The following LONRF2 variants were observed in gnomAD, a reference collection of about 807,000 sequenced individuals.
LONRF2 encodes LON peptidase N-terminal domain and ring finger 2.
A neutral mutation model predicts 66.6 loss-of-function variants in LONRF2; 35 were observed. The observed-to-expected ratio is 0.53, with a 90% CI of 0.40 to 0.70. LONRF2 has a LOEUF of 0.70. Among genes scored for constraint, LONRF2 ranks in the 30% least tolerant of loss-of-function variants. The pLI is 0.00. For synonymous variants in LONRF2, 417 were observed against 418.1 expected (o/e 1.00, Z 0.03); for missense variants, 902 against 1,002.1 (o/e 0.90, Z 1.35).
chr2:100,322,431 G>C lies in LONRF2; in HGVS notation c.-338C>G. ...AGGTAACCCAGGTCGCTGCGGTAACGCAGTGACCGCGCTCCAGGTCCGCGT... is the reference window on the plus strand; with the variant it reads ...AGGTAACCCAGGTCGCTGCGGTAACCCAGTGACCGCGCTCCAGGTCCGCGT... On this transcript the variant is annotated 5_prime_UTR_variant, in exon 1 of 12. Coordinates refer to ENST00000393437, the MANE Select transcript of LONRF2 (RefSeq NM_198461.4). 5.0e-6 allele frequency: 1 copy of C among 200,264 alleles called. No homozygotes were observed. The highest frequency in any genetic ancestry group is 1.2e-4 in the East Asian group (1 of 8,652). 12.4% of individuals were successfully genotyped at this position (200,264 alleles called of 1,614,324 possible).
At chr2:100,304,478 A>G (rs528051766) in intron 2 of LONRF2, among the ~76,000 whole-genome samples, 22 of 152,198 alleles carry the variant, frequency 1.4e-4, no homozygotes, top group African/African-American at 5.1e-4. Flanking sequence ...CTCCCTGTTG[A>G]GATTGCTCTT....
rs146409236 is a variant in LONRF2 at position 100,274,890 on chromosome 2, T to C, written c.*9408A>G. 801 of 152,552 alleles carry C rather than the reference T, an allele frequency of 5.3e-3. 20 individuals carry two copies. Among genetic ancestry groups the C allele is most frequent in the East Asian group, 8.3e-3 (43 of 5,188 alleles). 9.4% of individuals were successfully genotyped at this position (152,552 alleles called of 1,614,324 possible). A position where few individuals can be genotyped will look rare whatever the true frequency, so the allele number is the denominator to read the frequency against. The stretch of plus-strand genomic sequence containing the variant: ...CTCCAGAAATGCAAGTAACAAACTT[T>C]TCTTTCAATGACAGCAGCCTCTCCT... On this transcript the variant is annotated 3_prime_UTR_variant, in exon 12 of 12. Transcript: ENST00000393437.
intron 1 of LONRF2, among the ~76,000 whole-genome samples, chr2:100,315,880 A>G (rs1675495876): frequency 6.6e-6 from 1 of 152,026 alleles, no homozygotes; most frequent in Non-Finnish European, 1.5e-5. Context: ...TTTTCCTAGC[A>G]TCTTGAAATG....
At chr2:100,286,195 A>AAGACCTTTCAC (rs1360692545) in intron 11 of LONRF2, among the ~76,000 whole-genome samples, 1 of 152,196 alleles carries the variant, frequency 6.6e-6, no homozygotes, top group Non-Finnish European at 1.5e-5. Context: ...TGGATGGGAA[A>AAGACCTTTCAC]AGACCTTTCA....
At chr2:100,318,857 C>T (rs982660856) in intron 1 of LONRF2, among the ~76,000 whole-genome samples, 6 of 144,726 alleles carry the variant, frequency 4.1e-5, no homozygotes, top group Middle Eastern at 4.0e-3. Context: ...AAAGGCCAGG[C>T]ATGGTGGCTT....
At chr2:100,309,743 G>A (rs1177860198) in intron 1 of LONRF2, among the ~76,000 whole-genome samples, 1 of 152,028 alleles carries the variant, frequency 6.6e-6, no homozygotes, top group African/African-American at 2.4e-5. Context: ...CATGATCTTG[G>A]CTCACTGCAA....
intron 10 of LONRF2, among the ~76,000 whole-genome samples, chr2:100,287,971 T>C (rs555264981): frequency 1.5e-3 from 233 of 152,310 alleles, no homozygotes; most frequent in African/African-American, 5.4e-3. Flanking sequence ...ATAATGCATA[T>C]ACCACCCTCA....
chr2:100,312,250 CT>C (rs1365346800), intron 1 of LONRF2, among the ~76,000 whole-genome samples: 2 of 151,988 alleles, frequency 1.3e-5, no homozygotes, highest in Non-Finnish European at 2.9e-5. Flanking sequence ...TAAAATTGTC[CT>C]TTTTATATAA....
In LONRF2 at chr2:100,302,928, G is replaced by A. The variant is rs1675214805; in HGVS notation, c.914C>T (p.Ala305Val). 4.4e-6 allele frequency: 7 copies of A among 1,601,212 alleles called. No homozygotes were observed. Among genetic ancestry groups the A allele is most frequent in the Admixed American group, 1.7e-5 (1 of 58,614 alleles). The change falls in exon 3 of 12, where the codon GCA becomes GTA. Residue 305 changes from alanine (A) to valine (V), a missense_variant. Around this residue, in one of 2 missense-constraint regions of LONRF2, gnomAD observed 585 missense variants for 569.9 expected, o/e 1.03. Coordinates refer to ENST00000393437, the MANE Select transcript of LONRF2 (RefSeq NM_198461.4). ...CTTTAACAGAACTCATACCTTCTGT[G>A]CTTCTTTCTTCACAGAGTTACATTC... ...NPECNSVKKE[A>V]QKVMCEVLFS... is the part of the protein sequence containing the mutation.
chr2:100,279,708 G>A lies in LONRF2; in HGVS notation c.*4590C>T, dbSNP rs1299624781. 2.0e-5 allele frequency: 3 copies of A among 152,152 alleles called. No homozygotes were observed. Among genetic ancestry groups the A allele is most frequent in the South Asian group, 4.1e-4 (2 of 4,824 alleles). 9.4% of individuals were successfully genotyped at this position (152,152 alleles called of 1,614,324 possible). On this transcript the variant is annotated 3_prime_UTR_variant, in exon 12 of 12. Coordinates refer to ENST00000393437, the MANE Select transcript of LONRF2 (RefSeq NM_198461.4). Reference sequence around the variant, plus strand: ...ATCCAGAGCCCATCCTCCTCTATCTGGCTCTTACAACCTAGGAAGCAATAT... The same window carrying A: ...ATCCAGAGCCCATCCTCCTCTATCTAGCTCTTACAACCTAGGAAGCAATAT...
Position 100,279,293 on chromosome 2 carries a change from G to A in LONRF2, c.*5005C>T, listed in dbSNP as rs930788260. 6.8e-6 allele frequency: 1 copy of A among 147,634 alleles called. No homozygotes were observed. The highest frequency in any genetic ancestry group is 1.5e-5 in the Non-Finnish European group (1 of 67,582). The allele number at this position is 147,634 out of a possible 1,614,324, so 9.1% of individuals were successfully genotyped here. A position where few individuals can be genotyped will look rare whatever the true frequency, so the allele number is the denominator to read the frequency against. ...CATCAGACTCATATGTTTAACACATGTTAACAACTGCACCAAGAAATGTTA... is the reference window on the plus strand; with the variant it reads ...CATCAGACTCATATGTTTAACACATATTAACAACTGCACCAAGAAATGTTA... On this transcript the variant is annotated 3_prime_UTR_variant, in exon 12 of 12. Transcript: ENST00000393437.
intron 10 of LONRF2, among the ~76,000 whole-genome samples, chr2:100,288,855 A>G (rs1674898539): frequency 6.6e-6 from 1 of 152,298 alleles, no homozygotes; most frequent in Middle Eastern, 3.4e-3. Flanking sequence ...ATGGACCACA[A>G]TGTGTTTACT....
intron 1 of LONRF2, among the ~76,000 whole-genome samples, chr2:100,317,855 C>T (rs1352008558): frequency 2.0e-5 from 3 of 152,020 alleles, no homozygotes; most frequent in African/African-American, 7.2e-5. Context: ...TATGTCCTGT[C>T]TTCTCTAAAT....
Position 100,321,402 on chromosome 2 carries a change from G to T in LONRF2, c.679+13C>A. ...GGTGTAGGGGAGGCGGACCCGCCCC[G>T]CAGCCGACTCACCCAGCTCCAGGGC... is the stretch of plus-strand genomic sequence containing the variant. On this transcript the variant is annotated intron_variant, in intron 1 of 11. Transcript: ENST00000393437. The T allele has an allele frequency of 7.0e-7, 1 of 1,429,562 alleles. No individual in the cohort carries two copies. The highest frequency in any genetic ancestry group is 9.1e-7 in the Non-Finnish European group (1 of 1,102,470). 88.6% of individuals were successfully genotyped at this position (1,429,562 alleles called of 1,614,324 possible).
Position 100,321,548 on chromosome 2 carries a change from C to A in LONRF2, c.546G>T (p.Val182=), listed in dbSNP as rs1203951904. 3.2e-6 allele frequency: 5 copies of A among 1,546,782 alleles called. No individual in the cohort carries two copies. In the African/African-American group the frequency reaches 5.7e-5, roughly 18 times the overall value. Residue 182 remains valine (V), a synonymous_variant, in exon 1 of 12, where the codon GTG becomes GTT. Coordinates refer to ENST00000393437, the MANE Select transcript of LONRF2 (RefSeq NM_198461.4). The part of the protein sequence containing the change: ...ARPQVRRVNV[V]LSGLLEKCFP... ...AGCACTTCTCCAGCAGGCCGCTCAGCACCACGTTCACGCGCCGCACCTGCG... is the reference window on the plus strand; with the variant it reads ...AGCACTTCTCCAGCAGGCCGCTCAGAACCACGTTCACGCGCCGCACCTGCG...
chr2:100,290,403 C>T lies in LONRF2; in HGVS notation c.1775G>A (p.Cys592Tyr), dbSNP rs1388471580. ...TCTCACGTCCTTAATCTCCAGCATGCATCCATACTCTGAAAGCCTGAAAAG... is the reference window on the plus strand; with the variant it reads ...TCTCACGTCCTTAATCTCCAGCATGTATCCATACTCTGAAAGCCTGAAAAG... ...AEHAGLSEYGCMLEIKDVRTF... is the reference protein window; with the variant it reads ...AEHAGLSEYGYMLEIKDVRTF... The change falls in exon 10 of 12, where the codon TGC becomes TAC. Residue 592 changes from cysteine (C) to tyrosine (Y), a missense_variant. Coordinates refer to ENST00000393437, the MANE Select transcript of LONRF2 (RefSeq NM_198461.4). 1.9e-6 allele frequency: 3 copies of T among 1,610,782 alleles called. No individual in the cohort carries two copies.
rs988189568 is a variant in LONRF2 at position 100,273,134 on chromosome 2, A to G, written c.*11164T>C. 6.6e-6 allele frequency among the ~76,000 whole-genome samples: 1 copy of G among 152,250 alleles called. No individual in the cohort carries two copies. The highest frequency in any genetic ancestry group is 1.5e-5 in the Non-Finnish European group (1 of 68,046). On this transcript the variant is annotated 3_prime_UTR_variant, in exon 12 of 12. Coordinates refer to ENST00000393437, the MANE Select transcript of LONRF2 (RefSeq NM_198461.4). ...GGAAGAAGGCCATGTGACGATGGAC[A>G]CGGAAACTGGAGTGATGCAGCCGCT...
Position 100,321,664 on chromosome 2 carries a change from G to T in LONRF2, c.430C>A (p.Pro144Thr). 1.5e-6 allele frequency: 2 copies of T among 1,369,650 alleles called. No homozygotes were observed. Among genetic ancestry groups the T allele is most frequent in the Non-Finnish European group, 1.9e-6 (2 of 1,061,444 alleles). 84.8% of individuals were successfully genotyped at this position (1,369,650 alleles called of 1,614,324 possible). ...TTATGCAGCAGCCGCCGGCAGCGCG[G>T]GCAGCCGAGCAGGTCGCGGGGCGCG... Reference protein sequence around the residue: ...PRAPRDLLGCPRCRRLLHKPV... With the variant: ...PRAPRDLLGCTRCRRLLHKPV... The change falls in exon 1 of 12, where the codon CCG becomes ACG. Residue 144 changes from proline to threonine, a missense_variant. This residue lies in a region of LONRF2 where 585 missense variants were observed against 569.9 expected (regional missense o/e 1.03). Transcript: ENST00000393437.
At chr2:100,304,680 G>A (rs1675256089) in intron 2 of LONRF2, among the ~76,000 whole-genome samples, 1 of 141,688 alleles carries the variant, frequency 7.1e-6, no homozygotes, top group Admixed American at 7.4e-5. Flanking sequence ...CTGGCGTGCA[G>A]TGGTACAATC....
Sources: gnomAD v4.1 joint callset for allele counts (sites outside exome capture counted in the v4.1 genomes callset) on GRCh38, gnomAD v4.1.1 for gene constraint, gnomAD v4.1.1 regional missense constraint, MANE v1.5 for transcripts, NCBI Gene and HGNC (gene_info 2026-07-23, HGNC 2026-07-21) for gene names.